Variants in SDHA observed in about 807,000 individuals in gnomAD.
SDHA encodes succinate dehydrogenase [ubiquinone] flavoprotein subunit, mitochondrial.
In SDHA, 48 loss-of-function variants were observed where a neutral mutation model predicts 78.4. That is an observed-to-expected ratio of 0.61 (90% CI 0.49 to 0.78). The LOEUF is 0.78. Ranked by LOEUF, SDHA falls within the 30% of genes least tolerant of loss-of-function variation. SDHA has a pLI of 0.00. For missense variants in SDHA, 680 were observed against 892.7 expected (o/e 0.76, Z 3.04); for synonymous variants, 326 against 353.9 (o/e 0.92, Z 0.88).
Position 233,475 on chromosome 5 carries a change from A to T in SDHA, c.896-2A>T. 1 of 1,614,052 alleles carries T rather than the reference A, an allele frequency of 6.2e-7. No homozygotes were observed. Among genetic ancestry groups the T allele is most frequent in the Non-Finnish European group, 8.5e-7 (1 of 1,179,888 alleles). On this transcript the variant is annotated splice_acceptor_variant, in intron 7 of 14. Coordinates refer to ENST00000264932, the MANE Select transcript of SDHA (RefSeq NM_004168.4). LOFTEE classifies it high-confidence loss of function. The stretch of plus-strand genomic sequence containing the variant: ...GTAATAAATATGTGTGGTTTTTTGC[A>T]GGCATATATGGTGCTGGTTGTCTCA...
intron 13 of SDHA, chr5:251,969 C>T (rs1464605549): frequency 2.6e-5 from 9 of 342,716 alleles, no homozygotes; most frequent in Admixed American, 8.3e-5. Context: ...AACGAGTAAG[C>T]CACCGTTTCA....
intron 10 of SDHA, among the ~76,000 whole-genome samples, chr5:239,004 G>GA (rs1319600649): frequency 6.6e-6 from 1 of 151,442 alleles, no homozygotes; most frequent in Non-Finnish European, 1.5e-5. Flanking sequence ...TCCACCTAAA[G>GA]AAAAAAGTCA....
intron 11 of SDHA, among the ~76,000 whole-genome samples, chr5:243,562 G>GA (rs1353873206): frequency 1.6e-4 from 25 of 152,158 alleles, no homozygotes; most frequent in African/African-American, 2.9e-4. Flanking sequence ...TAGAGCTTGG[G>GA]AAAAAATCAC....
At chr5:244,347 C>T (rs1399068592) in intron 11 of SDHA, among the ~76,000 whole-genome samples, 1 of 151,890 alleles carries the variant, frequency 6.6e-6, no homozygotes, top group Non-Finnish European at 1.5e-5. Context: ...GGTACAAATA[C>T]ATAGAGGAGT....
Position 256,692 on chromosome 5 carries a change from A to G in SDHA, c.*272A>G. 2 of 450,974 alleles carry G rather than the reference A, an allele frequency of 4.4e-6. No homozygotes were observed. The highest frequency in any genetic ancestry group is 7.9e-6 in the Non-Finnish European group (2 of 252,250). 27.9% of individuals were successfully genotyped at this position (450,974 alleles called of 1,614,324 possible). A position where few individuals can be genotyped will look rare whatever the true frequency, so the allele number is the denominator to read the frequency against. ...AATATAAATGAACAAACTTTCTTTTATTTCCAAATCCATTTGAAATATTTT... is the reference window on the plus strand; with the variant it reads ...AATATAAATGAACAAACTTTCTTTTGTTTCCAAATCCATTTGAAATATTTT... On this transcript the variant is annotated 3_prime_UTR_variant, in exon 15 of 15. Transcript: ENST00000264932.
chr5:236,029 C>CT (rs1205898123), intron 9 of SDHA: 234 of 284,762 alleles, frequency 8.2e-4, no homozygotes, highest in South Asian at 1.6e-3. Context: ...ACTTCCCTCT[C>CT]TTTTTTTTTC....
chr5:225,653 G>A (rs12520059), intron 4 of SDHA, 91 bp downstream of exon 4: 2 of 1,572,666 alleles, frequency 1.3e-6, no homozygotes, highest in Non-Finnish European at 8.7e-7. Context: ...GGCGGATGTG[G>A]CAGCCAAAAG....
chr5:268,072 A>G, the SDHA span, among the ~76,000 whole-genome samples: 36,592 of 152,034 alleles, frequency 0.24, 6,821 homozygotes, highest in African/African-American at 0.52. Context: ...TCAGGGTTGT[A>G]GAAGCAGCAG....
intron 1 of SDHA, among the ~76,000 whole-genome samples, chr5:222,301 A>G (rs1305481444): frequency 6.6e-6 from 1 of 151,476 alleles, no homozygotes; most frequent in Non-Finnish European, 1.5e-5. Context: ...GACATTCCTC[A>G]CATCCCCTCT....
the SDHA span, among the ~76,000 whole-genome samples, chr5:266,047 T>G: frequency 1.0e-5 from 1 of 96,184 alleles, no homozygotes; most frequent in East Asian, 2.1e-4. Context: ...GGAGGGACCC[T>G]ACCCCAGATC....
intron 7 of SDHA, among the ~76,000 whole-genome samples, chr5:232,013 G>A (rs1374702474): frequency 7.2e-6 from 1 of 137,964 alleles, no homozygotes; most frequent in Non-Finnish European, 1.5e-5. Flanking sequence ...TTCAGAATGA[G>A]TCAGAGACAG....
chr5:239,831 G>A (rs1440590610), intron 10 of SDHA, among the ~76,000 whole-genome samples: 9 of 150,804 alleles, frequency 6.0e-5, no homozygotes, highest in South Asian at 2.1e-4. Context: ...GTGCAGTGGC[G>A]CGATCTCGGC....
At chr5:219,084 C>G (rs1478449700) in intron 1 of SDHA, among the ~76,000 whole-genome samples, 2 of 152,244 alleles carry the variant, frequency 1.3e-5, no homozygotes, top group African/African-American at 2.4e-5. Flanking sequence ...TTTGGTGGTC[C>G]TTATGCCACC....
intron 1 of SDHA, among the ~76,000 whole-genome samples, chr5:220,008 A>C (rs1051774174): frequency 4.6e-5 from 7 of 152,248 alleles, no homozygotes; most frequent in African/African-American, 1.7e-4. Context: ...GAGTTTACGA[A>C]GGAACAGCAT....
chr5:225,465 G>C lies in SDHA; in HGVS notation c.359G>C (p.Arg120Thr). 6.2e-7 allele frequency: 1 copy of C among 1,613,484 alleles called. No individual in the cohort carries two copies. The change falls in exon 4 of 15, where the codon AGG becomes ACG. Residue 120 changes from arginine (R) to threonine (T), a missense_variant. By Grantham distance (71) the Arg-to-Thr change is moderately conservative (BLOSUM62 -1). Coordinates refer to ENST00000264932, the MANE Select transcript of SDHA (RefSeq NM_004168.4). ...GGGAACATGGAGGAGGACAACTGGA[G>C]GTGGCATTTCTACGACACCGTGAAG... The part of the protein sequence containing the change: ...ALGNMEEDNW[R>T]WHFYDTVKGS...
chr5:264,412 A>G, the SDHA span, among the ~76,000 whole-genome samples: 36,626 of 152,166 alleles, frequency 0.24, 6,880 homozygotes, highest in African/African-American at 0.53. Flanking sequence ...GTGAGGGCAC[A>G]GGGTGTCTGG....
intron 1 of SDHA, 112 bp from the exon 2 acceptor site, chr5:223,370 G>A: frequency 1.2e-6 from 1 of 822,248 alleles, no homozygotes; most frequent in Non-Finnish European, 2.1e-6. Flanking sequence ...ATGCACAGGA[G>A]CACCTGGGTA....
At position 218,408 on chromosome 5, in the gene SDHA, TG is replaced by T; in HGVS notation, c.55del (p.Ala19ProfsTer39). The stretch of plus-strand genomic sequence containing the variant: ...CTGCTGAGCGCTCGGCGCCTGGCGC[TG>T]GCCAAGGCGGTGAGTCCGTGCCGCG... ...SRLLSARRLA[L>X]AKAWPTVLQT... On this transcript the variant is annotated frameshift_variant, in exon 1 of 15. Transcript: ENST00000264932. LOFTEE classifies it high-confidence loss of function. 1 of 1,439,398 alleles carries T rather than the reference TG, an allele frequency of 6.9e-7. No homozygotes were observed. 89.2% of individuals were successfully genotyped at this position (1,439,398 alleles called of 1,614,324 possible).
At chr5:236,639 G>T (rs753301615) in intron 10 of SDHA, 40 bp downstream of exon 10, 4 of 1,591,574 alleles carry the variant, frequency 2.5e-6, no homozygotes, top group African/African-American at 1.4e-5. Context: ...TTGAGAAGGC[G>T]CAGGACGTTA....
Sources: allele counts gnomAD v4.1 joint callset (sites outside exome capture counted in the v4.1 genomes callset), GRCh38; gene constraint gnomAD v4.1.1; transcripts MANE v1.5; gene names NCBI Gene and HGNC (gene_info 2026-07-23, HGNC 2026-07-21).